Variants in NXPH1 observed in about 807,000 individuals in gnomAD.
NXPH1 encodes neurexophilin 1, also known as neurexophilin-1.
In NXPH1, 5 loss-of-function variants were observed where a neutral mutation model predicts 23.7. The ratio of observed to expected loss-of-function variants is 0.21; its 90% CI spans 0.11 to 0.44. The LOEUF (loss-of-function observed/expected upper bound fraction) is 0.44. Ranked by LOEUF, NXPH1 falls within the 20% of genes least tolerant of loss-of-function variation. The pLI is 0.99. For synonymous variants in NXPH1, 144 were observed against 122.2 expected (o/e 1.18, Z -1.18); for missense variants, 324 against 321.6 (o/e 1.01, Z -0.06).
intron 2 of NXPH1, among the ~76,000 whole-genome samples, chr7:8,644,886 C>T (rs74952074): frequency 0.048 from 7,370 of 152,182 alleles, 388 homozygotes; most frequent in East Asian, 0.17. Context: ...TTTATCTCCC[C>T]AAACAGTATA....
intron 2 of NXPH1, among the ~76,000 whole-genome samples, chr7:8,496,178 A>C (rs1025126633): frequency 3.3e-5 from 5 of 152,032 alleles, no homozygotes; most frequent in Non-Finnish European, 5.9e-5. Flanking sequence ...AAAGATTATT[A>C]CAATAGTACC....
At chr7:8,578,319 G>T (rs1319807520) in intron 2 of NXPH1, among the ~76,000 whole-genome samples, 1 of 152,142 alleles carries the variant, frequency 6.6e-6, no homozygotes, top group African/African-American at 2.4e-5. Context: ...TCTCCCTTTT[G>T]CATGATTGTA....
rs1562444297 is a variant in NXPH1 at position 8,655,431 on chromosome 7, T to TA, written c.55-95577_55-95576insA. On this transcript the variant is annotated intron_variant, in intron 2 of 2. Coordinates refer to ENST00000405863, the MANE Select transcript of NXPH1 (RefSeq NM_152745.3). ...CTCTCTCTCTCTCTCTCTCTCTCTC[T>TA]CTCTCTCTCTCTCTCTCTATACACA... Among the ~76,000 whole-genome samples, 28 of 54,912 alleles carry TA rather than the reference T, an allele frequency of 5.1e-4. 1 individual carries two copies. The highest frequency in any genetic ancestry group is 1.1e-4 in the African/African-American group (2 of 18,112). The allele number at this position is 54,912 out of a possible 152,430, so 36.0% of individuals were successfully genotyped here.
chr7:8,513,806 C>A (rs1234427620), intron 2 of NXPH1, among the ~76,000 whole-genome samples: 1 of 152,054 alleles, frequency 6.6e-6, no homozygotes, highest in African/African-American at 2.4e-5. Flanking sequence ...TCCATGTATT[C>A]GTTTTCTAGG....
chr7:8,465,231 A>G (rs749964662), intron 2 of NXPH1, among the ~76,000 whole-genome samples: 5 of 152,230 alleles, frequency 3.3e-5, no homozygotes, highest in Non-Finnish European at 7.3e-5. Context: ...TGAAACCCCC[A>G]GAGGATTATT....
intron 2 of NXPH1, among the ~76,000 whole-genome samples, chr7:8,741,311 G>A (rs1780356149): frequency 6.6e-6 from 1 of 151,652 alleles, no homozygotes; most frequent in African/African-American, 2.4e-5. Context: ...TCCCTTGATG[G>A]ACACTTAGGT....
rs1164837062 is a variant in NXPH1 at position 8,442,682 on chromosome 7, C to T, written c.54+6915C>T. Among the ~76,000 whole-genome samples, 4 of 152,268 alleles carry T rather than the reference C, an allele frequency of 2.6e-5. No individual in the cohort carries two copies. The highest frequency in any genetic ancestry group is 5.9e-5 in the Non-Finnish European group (4 of 68,044). On this transcript the variant is annotated intron_variant, in intron 2 of 2. Coordinates refer to ENST00000405863, the MANE Select transcript of NXPH1 (RefSeq NM_152745.3). The surrounding 1 kb of genome is among the most constrained non-coding windows in gnomAD (Gnocchi z 4.6). ...GTGTTCAGGCCCCGGGGTTTCCCAG[C>T]CGTAGTGGCCGCCGCCACAGCTGCG...
chr7:8,637,809 A>G (rs921570836), intron 2 of NXPH1, among the ~76,000 whole-genome samples: 3 of 152,208 alleles, frequency 2.0e-5, no homozygotes, highest in African/African-American at 7.2e-5. Context: ...TTAAGTCAGG[A>G]AATAAATAAC....
intron 2 of NXPH1, among the ~76,000 whole-genome samples, chr7:8,565,746 T>A (rs1818533466): frequency 6.6e-6 from 1 of 151,846 alleles, no homozygotes; most frequent in South Asian, 2.1e-4. Flanking sequence ...GGAATAAACT[T>A]ATACTACCTC....
intron 2 of NXPH1, among the ~76,000 whole-genome samples, chr7:8,622,674 G>C (rs1819901262): frequency 6.6e-6 from 1 of 152,144 alleles, no homozygotes; most frequent in African/African-American, 2.4e-5. Flanking sequence ...AACAAGTCAG[G>C]ATAACAAATA....
chr7:8,645,952 A>G (rs1820392612), intron 2 of NXPH1, among the ~76,000 whole-genome samples: 3 of 152,082 alleles, frequency 2.0e-5, no homozygotes, highest in African/African-American at 4.8e-5. Flanking sequence ...TTTTTATTAT[A>G]GGCACTAATG....
chr7:8,671,364 T>C (rs1207740463), intron 2 of NXPH1, among the ~76,000 whole-genome samples: 1 of 152,156 alleles, frequency 6.6e-6, no homozygotes, highest in Non-Finnish European at 1.5e-5. Context: ...CTAAAAACAC[T>C]CTTTTTGATT....
At chr7:8,598,655 A>G (rs1819284609) in intron 2 of NXPH1, among the ~76,000 whole-genome samples, 1 of 152,190 alleles carries the variant, frequency 6.6e-6, no homozygotes, top group South Asian at 2.1e-4. Context: ...ATATTTGTAC[A>G]GCGTCAGTAT....
At chr7:8,743,832 C>T (rs376527542) in intron 2 of NXPH1, among the ~76,000 whole-genome samples, 1 of 152,068 alleles carries the variant, frequency 6.6e-6, no homozygotes, top group South Asian at 2.1e-4. Flanking sequence ...CACAGGCACC[C>T]ACCACCGTGC....
intron 2 of NXPH1, among the ~76,000 whole-genome samples, chr7:8,470,524 T>A (rs904175774): frequency 1.3e-5 from 2 of 152,142 alleles, no homozygotes; most frequent in Admixed American, 1.3e-4. Context: ...TAGGGCAAAC[T>A]TTAGCTTTGT....
chr7:8,447,980 C>G (rs1256488708), intron 2 of NXPH1, among the ~76,000 whole-genome samples: 1 of 152,172 alleles, frequency 6.6e-6, no homozygotes, highest in Non-Finnish European at 1.5e-5. Context: ...CCAACGAGGA[C>G]CTGGCCATAA....
intron 2 of NXPH1, among the ~76,000 whole-genome samples, chr7:8,686,949 G>GA (rs1437246326): frequency 6.6e-6 from 1 of 151,834 alleles, no homozygotes; most frequent in East Asian, 1.9e-4. Context: ...ATTTTTTAAT[G>GA]AAAAAAAGCA....
At chr7:8,484,699 G>A (rs939588960) in intron 2 of NXPH1, among the ~76,000 whole-genome samples, 2 of 152,274 alleles carry the variant, frequency 1.3e-5, no homozygotes, top group Admixed American at 1.3e-4. Context: ...TTGAGAAGTA[G>A]TAATAGGAAA....
intron 2 of NXPH1, among the ~76,000 whole-genome samples, chr7:8,731,421 T>G (rs558442386): frequency 5.6e-4 from 85 of 152,304 alleles, no homozygotes; most frequent in South Asian, 1.4e-3. Context: ...GGCGCTCTGC[T>G]TTTTAGAGTT....
Sources: allele counts gnomAD v4.1 joint callset (sites outside exome capture counted in the v4.1 genomes callset), GRCh38; gene constraint gnomAD v4.1.1; non-coding constraint Gnocchi (gnomAD v3.1); transcripts MANE v1.5; gene names NCBI Gene and HGNC (gene_info 2026-07-23, HGNC 2026-07-21).